Variants in PSIP1 observed in about 807,000 individuals in gnomAD.
The protein encoded by PSIP1 is PC4 and SRSF1 interacting protein 1.
A neutral mutation model predicts 74.7 loss-of-function variants in PSIP1; 19 were observed. That is an observed-to-expected ratio of 0.25 (90% CI 0.18 to 0.37). The LOEUF (loss-of-function observed/expected upper bound fraction) is 0.37, where lower values mean the gene tolerates loss of function less well. PSIP1 is among the 10% of genes least tolerant of loss of function. PSIP1 has a pLI of 1.00. For synonymous variants in PSIP1, 222 were observed against 195.3 expected (o/e 1.14, Z -1.14); for missense variants, 601 against 614.3 (o/e 0.98, Z 0.23).
At chr9:15,484,708 C>T (rs1299098956) in intron 6 of PSIP1, among the ~76,000 whole-genome samples, 1 of 151,534 alleles carries the variant, frequency 6.6e-6, no homozygotes, top group South Asian at 2.1e-4. Flanking sequence ...GCTGGGGCAA[C>T]AGTGTGAGAA....
intron 10 of PSIP1, chr9:15,472,169 A>G (rs2035865549): frequency 1.0e-6 from 1 of 986,126 alleles, no homozygotes; most frequent in Non-Finnish European, 1.2e-6. Context: ...GTCAGCCTTT[A>G]GATTTACTTT....
chr9:15,472,463 T>C (rs201796314), intron 10 of PSIP1, 169 bp downstream of exon 10: 2 of 1,395,922 alleles, frequency 1.4e-6, no homozygotes, highest in East Asian at 5.5e-5. Context: ...CAGAAGAGAA[T>C]GAAGCCTGAA....
At chr9:15,479,300 G>A (rs1421629677) in intron 7 of PSIP1, among the ~76,000 whole-genome samples, 1 of 151,920 alleles carries the variant, frequency 6.6e-6, no homozygotes, top group Non-Finnish European at 1.5e-5. Flanking sequence ...GAAATCTTAC[G>A]ACTCTTAAGT....
intron 10 of PSIP1, 32 bp from the exon 11 acceptor site, chr9:15,470,025 A>G (rs1393748167): frequency 1.3e-6 from 2 of 1,559,334 alleles, no homozygotes; most frequent in Middle Eastern, 1.7e-4. Flanking sequence ...ATTTCAACAC[A>G]TTGGAATTTT....
At chr9:15,466,654 C>G (rs1156879082) in intron 15 of PSIP1, 94 bp downstream of exon 15, 1 of 928,016 alleles carries the variant, frequency 1.1e-6, no homozygotes, top group Non-Finnish European at 1.6e-6. Context: ...CAAAAGATAA[C>G]TGCTTATTAT....
intron 3 of PSIP1, among the ~76,000 whole-genome samples, chr9:15,498,064 T>C (rs1168316600): frequency 6.6e-6 from 1 of 152,170 alleles, no homozygotes; most frequent in Non-Finnish European, 1.5e-5. Context: ...CACACTGCTA[T>C]AATAAACATA....
intron 14 of PSIP1, among the ~76,000 whole-genome samples, chr9:15,467,765 A>G (rs2035694720): frequency 6.6e-6 from 1 of 152,250 alleles, no homozygotes; most frequent in African/African-American, 2.4e-5. Context: ...TGCTAAAGTT[A>G]GTGAAAAAAG....
At position 15,489,974 on chromosome 9, in the gene PSIP1, A is replaced by T; in HGVS notation, c.288+12T>A. On this transcript the variant is annotated intron_variant, in intron 4 of 15. Transcript: ENST00000380733. Reference sequence around the variant, plus strand: ...AAATAAGTAATATCAAATTTTATGTAATATGACTTACCTGTTGACTTGAAA... The same window carrying T: ...AAATAAGTAATATCAAATTTTATGTTATATGACTTACCTGTTGACTTGAAA... 1.3e-6 allele frequency: 2 copies of T among 1,540,796 alleles called. No individual in the cohort carries two copies. Among genetic ancestry groups the T allele is most frequent in the Non-Finnish European group, 1.8e-6 (2 of 1,140,128 alleles).
intron 10 of PSIP1, 92 bp from the exon 11 acceptor site, chr9:15,470,085 A>C: frequency 1.0e-6 from 1 of 995,512 alleles, no homozygotes; most frequent in South Asian, 1.3e-5. Context: ...TGTTTTCCTT[A>C]AAATAAGTCA....
intron 4 of PSIP1, among the ~76,000 whole-genome samples, chr9:15,488,917 A>C (rs1306872257): frequency 2.6e-5 from 4 of 152,166 alleles, no homozygotes; most frequent in African/African-American, 4.8e-5. Flanking sequence ...GCTACTCGGA[A>C]GGCTGAGGCA....
At chr9:15,497,950 G>C (rs904801483) in intron 3 of PSIP1, among the ~76,000 whole-genome samples, 1 of 152,192 alleles carries the variant, frequency 6.6e-6, no homozygotes, top group Non-Finnish European at 1.5e-5. Flanking sequence ...ATTAAAATGA[G>C]TATCTTTTTA....
At chr9:15,509,807 A>G (rs1303931690) in intron 2 of PSIP1, among the ~76,000 whole-genome samples, 1 of 152,234 alleles carries the variant, frequency 6.6e-6, no homozygotes, top group Non-Finnish European at 1.5e-5. Flanking sequence ...TTTTAAACAA[A>G]AATTCACTCT....
At chr9:15,469,501 C>T (rs151061074) in intron 11 of PSIP1, among the ~76,000 whole-genome samples, 165 bp from the exon 12 acceptor site, 1 of 152,096 alleles carries the variant, frequency 6.6e-6, no homozygotes, top group East Asian at 1.9e-4. Context: ...AGAATAAGTA[C>T]TTATTGCCAT....
intron 3 of PSIP1, among the ~76,000 whole-genome samples, chr9:15,503,167 GAC>G (rs1563898977): frequency 6.6e-6 from 1 of 152,112 alleles, no homozygotes; most frequent in Non-Finnish European, 1.5e-5. Context: ...AGGAGTTTGA[GAC>G]CAGCCTGGCC....
intron 6 of PSIP1, among the ~76,000 whole-genome samples, chr9:15,480,534 T>C (rs950758858): frequency 2.0e-5 from 3 of 152,234 alleles, no homozygotes; most frequent in Non-Finnish European, 4.4e-5. Flanking sequence ...CATTCATACA[T>C]TGACTACCAA....
At chr9:15,492,551 T>C (rs1319700379) in intron 3 of PSIP1, among the ~76,000 whole-genome samples, 3 of 152,158 alleles carry the variant, frequency 2.0e-5, no homozygotes, top group African/African-American at 7.2e-5. Context: ...AAGCTGTCGG[T>C]GGATCTACCA....
chr9:15,479,860 G>A (rs1170655419), intron 6 of PSIP1, among the ~76,000 whole-genome samples, 173 bp from the exon 7 acceptor site: 1 of 151,926 alleles, frequency 6.6e-6, no homozygotes, highest in Non-Finnish European at 1.5e-5. Context: ...TTCAAACTTA[G>A]TTTATAACTC....
intron 8 of PSIP1, among the ~76,000 whole-genome samples, chr9:15,475,157 C>T (rs2036022559): frequency 6.6e-6 from 1 of 152,088 alleles, no homozygotes; most frequent in Non-Finnish European, 1.5e-5. Context: ...TTACTTTTGC[C>T]CCTTTAGAAA....
intron 3 of PSIP1, among the ~76,000 whole-genome samples, chr9:15,502,304 A>G (rs536655243): frequency 1.3e-5 from 2 of 152,350 alleles, no homozygotes; most frequent in East Asian, 3.9e-4. Flanking sequence ...TATTCACTAC[A>G]GACATAACCA....
Sources: allele counts gnomAD v4.1 joint callset (sites outside exome capture counted in the v4.1 genomes callset), GRCh38; gene constraint gnomAD v4.1.1; transcripts MANE v1.5; gene names NCBI Gene and HGNC (gene_info 2026-07-23, HGNC 2026-07-21).